The following PPP6C variants were observed in gnomAD, a reference collection of about 807,000 sequenced individuals.
The protein encoded by PPP6C is protein phosphatase 6 catalytic subunit.
PPP6C carries 11 observed loss-of-function variants against 39.8 expected under a neutral mutation model. That is an observed-to-expected ratio of 0.28 (90% CI 0.17 to 0.46). The LOEUF is 0.46. PPP6C is among the 20% of genes least tolerant of loss of function. The probability of loss-of-function intolerance (pLI) is 1.00; values close to 1 mark genes in which losing one functional copy is unlikely to be tolerated. For missense variants in PPP6C, 211 were observed against 373.9 expected, an observed-to-expected ratio of 0.56 and a Z score of 3.59; for synonymous variants, 129 against 130.3, an observed-to-expected ratio of 0.99 and a Z score of 0.07.
chr9:125,176,106 A>T (rs1175887466), intron 1 of PPP6C, among the ~76,000 whole-genome samples: 1 of 152,176 alleles, frequency 6.6e-6, no homozygotes, highest in Non-Finnish European at 1.5e-5. Flanking sequence ...TAAAGGAGGT[A>T]AGGCTATGGG....
At chr9:125,189,488 C>T (rs1452280428) in intron 1 of PPP6C, 156 bp downstream of exon 1, 6 of 1,453,240 alleles carry the variant, frequency 4.1e-6, no homozygotes, top group Non-Finnish European at 5.4e-6. Flanking sequence ...CTCGCGAGAC[C>T]CTCGGCGTGA....
rs535893873 is a variant in PPP6C at position 125,169,507 on chromosome 9, G to A, written c.171+1578C>T. Reference sequence around the variant, plus strand: ...CTACACTGGGGGAAAACATGACTTGGTTTATTCCAGTTTTCAGGAATGTGT... The same window carrying A: ...CTACACTGGGGGAAAACATGACTTGATTTATTCCAGTTTTCAGGAATGTGT... On this transcript the variant is annotated intron_variant, in intron 2 of 6. Transcript: ENST00000373547. Among the ~76,000 whole-genome samples the A allele has an allele frequency of 5.9e-5, 9 of 152,238 alleles. No individual in the cohort carries two copies. In the East Asian group the frequency reaches 1.5e-3, roughly 26 times the overall value.
At chr9:125,157,932 G>C (rs938734176) in intron 4 of PPP6C, among the ~76,000 whole-genome samples, 1 of 151,818 alleles carries the variant, frequency 6.6e-6, no homozygotes, top group Non-Finnish European at 1.5e-5. Context: ...CTTGTGATCC[G>C]CCTGCCTCAG....
chr9:125,172,144 A>G, intron 1 of PPP6C: 1 of 342,180 alleles, frequency 2.9e-6, no homozygotes, highest in Non-Finnish European at 5.7e-6. Flanking sequence ...ATTTATGTTG[A>G]GTGAAAAAAA....
intron 6 of PPP6C, chr9:125,150,693 T>A: frequency 1.1e-6 from 1 of 947,606 alleles, no homozygotes; most frequent in Admixed American, 1.9e-5. Flanking sequence ...CCAGGGCTTA[T>A]CTCAGAAAAC....
At position 125,148,254 on chromosome 9, in the gene PPP6C, C is replaced by T. The variant is rs1302082780; in HGVS notation, c.*1419G>A. On this transcript the variant is annotated 3_prime_UTR_variant, in exon 7 of 7. Coordinates refer to ENST00000373547, the MANE Select transcript of PPP6C (RefSeq NM_002721.5). Reference sequence around the variant, plus strand: ...AACTACCTGAACAGATGCTAAAGTGCTTTATTAATTGGCTGGCTTCACAAG... The same window carrying T: ...AACTACCTGAACAGATGCTAAAGTGTTTTATTAATTGGCTGGCTTCACAAG... The T allele has an allele frequency of 6.6e-6, 1 of 152,454 alleles. No individual in the cohort carries two copies. Among genetic ancestry groups the T allele is most frequent in the Non-Finnish European group, 1.5e-5 (1 of 68,152 alleles). 9.4% of individuals were successfully genotyped at this position (152,454 alleles called of 1,614,324 possible).
intron 3 of PPP6C, among the ~76,000 whole-genome samples, chr9:125,160,002 G>C (rs894153493): frequency 1.4e-5 from 2 of 147,862 alleles, no homozygotes; most frequent in Non-Finnish European, 2.9e-5. Flanking sequence ...CCTGGCAACA[G>C]AGAGAGACTC....
At chr9:125,151,174 G>A in intron 6 of PPP6C, 1 of 1,485,934 alleles carries the variant, frequency 6.7e-7, no homozygotes, top group Non-Finnish European at 9.4e-7. Flanking sequence ...AGCTAAGAGA[G>A]TGACCTCCAT....
intron 1 of PPP6C, 57 bp downstream of exon 1, chr9:125,189,587 G>T (rs772628833): frequency 1.9e-6 from 3 of 1,608,636 alleles, no homozygotes; most frequent in East Asian, 2.2e-5. Flanking sequence ...GAGAAAGGAA[G>T]GGCCGGCCGG....
Position 125,189,779 on chromosome 9 carries a change from C to A in PPP6C, c.-61G>T. 4 of 1,528,872 alleles carry A rather than the reference C, an allele frequency of 2.6e-6. No individual in the cohort carries two copies. The highest frequency in any genetic ancestry group is 1.2e-5 in the South Asian group (1 of 81,946). The allele number at this position is 1,528,872 out of a possible 1,614,324, so 94.7% of individuals were successfully genotyped here. A position where few individuals can be genotyped will look rare whatever the true frequency, so the allele number is the denominator to read the frequency against. The stretch of plus-strand genomic sequence containing the variant: ...GCGGCTGTAGCAGCGGCGGCGGCAG[C>A]GGCGGAGGCCGAAGCCGGAACTTTC... On this transcript the variant is annotated 5_prime_UTR_variant, in exon 1 of 7. Coordinates refer to ENST00000373547, the MANE Select transcript of PPP6C (RefSeq NM_002721.5).
intron 2 of PPP6C, among the ~76,000 whole-genome samples, chr9:125,170,668 TC>T: frequency 6.6e-6 from 1 of 152,278 alleles, no homozygotes; most frequent in East Asian, 1.9e-4. Context: ...CTATTCTCAT[TC>T]CCACTAAAGA....
rs752820682 is a variant in PPP6C, at chr9:125,147,957, G to A, written c.*1716C>T. On this transcript the variant is annotated 3_prime_UTR_variant, in exon 7 of 7. Coordinates refer to ENST00000373547, the MANE Select transcript of PPP6C (RefSeq NM_002721.5). ...CCACCTGAATTACACTGGGATCAGG[G>A]CAGTAACACGAAGCTACTGACCCAA... is the stretch of plus-strand genomic sequence containing the variant. The A allele has an allele frequency of 5.4e-6, 1 of 186,278 alleles. No homozygotes were observed. Among genetic ancestry groups the A allele is most frequent in the Admixed American group, 4.2e-5 (1 of 23,652 alleles). 11.5% of individuals were successfully genotyped at this position (186,278 alleles called of 1,614,324 possible).
At chr9:125,173,863 G>C (rs1360921375) in intron 1 of PPP6C, among the ~76,000 whole-genome samples, 1 of 152,020 alleles carries the variant, frequency 6.6e-6, no homozygotes, top group African/African-American at 2.4e-5. Flanking sequence ...TGATCCACCC[G>C]CCTCGGCCTC....
At chr9:125,152,512 G>A (rs1835971937) in intron 6 of PPP6C, among the ~76,000 whole-genome samples, 1 of 152,114 alleles carries the variant, frequency 6.6e-6, no homozygotes, top group African/African-American at 2.4e-5. Context: ...CAAATGAACA[G>A]AGATTTCTGT....
chr9:125,166,184 CA>C (rs1366537686), intron 2 of PPP6C, among the ~76,000 whole-genome samples: 1 of 152,282 alleles, frequency 6.6e-6, no homozygotes, highest in East Asian at 1.9e-4. Context: ...ATGAAAATGA[CA>C]TTGCATTTTA....
intron 1 of PPP6C, among the ~76,000 whole-genome samples, chr9:125,187,138 G>A (rs1055996283): frequency 4.0e-5 from 6 of 151,146 alleles, no homozygotes; most frequent in Non-Finnish European, 8.8e-5. Context: ...GTACAGACGG[G>A]GTTTCACCAT....
chr9:125,158,163 G>T, intron 4 of PPP6C, 78 bp downstream of exon 4: 1 of 1,374,540 alleles, frequency 7.3e-7, no homozygotes, highest in Non-Finnish European at 1.0e-6. Flanking sequence ...CATAAAGCAT[G>T]TGTATGACTT....
At chr9:125,159,151 ACC>A (rs1828790770) in intron 3 of PPP6C, among the ~76,000 whole-genome samples, 3 of 140,876 alleles carry the variant, frequency 2.1e-5, no homozygotes, top group Non-Finnish European at 4.5e-5. Flanking sequence ...TGATTCTCCC[ACC>A]TCAGCTTCCT....
chr9:125,148,457 C>T lies in PPP6C; in HGVS notation c.*1216G>A, dbSNP rs779758107. Reference sequence around the variant, plus strand: ...CACAACCCTTTGGATATTCAAATTACTTACACAAAGCTGAAATATGGTATC... The same window carrying T: ...CACAACCCTTTGGATATTCAAATTATTTACACAAAGCTGAAATATGGTATC... On this transcript the variant is annotated 3_prime_UTR_variant, in exon 7 of 7. Transcript: ENST00000373547. The T allele has an allele frequency of 3.3e-5, 5 of 152,194 alleles. No individual in the cohort carries two copies. In the East Asian group the frequency reaches 9.7e-4, roughly 29 times the overall value. The allele number at this position is 152,194 out of a possible 1,614,324, so 9.4% of individuals were successfully genotyped here. A position where few individuals can be genotyped will look rare whatever the true frequency, so the allele number is the denominator to read the frequency against.
Sources: allele counts gnomAD v4.1 joint callset (sites outside exome capture counted in the v4.1 genomes callset), GRCh38; gene constraint gnomAD v4.1.1; transcripts MANE v1.5; gene names NCBI Gene and HGNC (gene_info 2026-07-23, HGNC 2026-07-21).